KCNH1: variants seen among roughly 807,000 people sequenced by gnomAD.
KCNH1 encodes potassium voltage-gated channel subfamily H member 1, also known as voltage-gated delayed rectifier potassium channel KCNH1.
A neutral mutation model predicts 69.2 loss-of-function variants in KCNH1; 27 were observed. The ratio of observed to expected loss-of-function variants is 0.39; its 90% CI spans 0.29 to 0.54. The LOEUF (loss-of-function observed/expected upper bound fraction) is 0.54. KCNH1 is among the 20% of genes least tolerant of loss of function. KCNH1 has a pLI of 0.68. For synonymous variants in KCNH1, 456 were observed against 487.7 expected (o/e 0.93, Z 0.86); for missense variants, 798 against 1,261.6 (o/e 0.63, Z 5.57).
intron 10 of KCNH1, among the ~76,000 whole-genome samples, chr1:210,717,098 C>A (rs1682275948): frequency 6.6e-6 from 1 of 152,166 alleles, no homozygotes; most frequent in South Asian, 2.1e-4. Context: ...CCCTTCTTTG[C>A]CTCCCAGGAA....
chr1:210,876,698 G>A (rs771851029), intron 7 of KCNH1, among the ~76,000 whole-genome samples: 1 of 152,240 alleles, frequency 6.6e-6, no homozygotes, highest in Middle Eastern at 3.4e-3. Flanking sequence ...TAAACAAGCT[G>A]AAGAGGAAAC....
chr1:210,949,884 A>G (rs1206919096), intron 6 of KCNH1, among the ~76,000 whole-genome samples: 2 of 152,266 alleles, frequency 1.3e-5, no homozygotes, highest in Admixed American at 6.5e-5. Flanking sequence ...CGAAGATGCT[A>G]TGAATCAATC....
At chr1:210,792,687 TA>T (rs74449886) in intron 9 of KCNH1, among the ~76,000 whole-genome samples, 32,339 of 139,018 alleles carry the variant, frequency 0.23, 3,706 homozygotes, top group Non-Finnish European at 0.28. Context: ...CCAAGAAAAT[TA>T]AAAAAAAAAA....
chr1:211,050,565 T>C (rs1250645229), intron 5 of KCNH1, among the ~76,000 whole-genome samples: 1 of 152,138 alleles, frequency 6.6e-6, no homozygotes, highest in Admixed American at 6.6e-5. Context: ...ACAAATACAA[T>C]CCCACGCTGA....
intron 3 of KCNH1, among the ~76,000 whole-genome samples, chr1:211,102,067 A>G (rs1471624677): frequency 6.6e-6 from 1 of 152,134 alleles, no homozygotes; most frequent in Non-Finnish European, 1.5e-5. Context: ...ATGTCTACCT[A>G]AAGTACAGAT....
At chr1:210,963,589 G>C (rs1343350577) in intron 6 of KCNH1, among the ~76,000 whole-genome samples, 1 of 151,988 alleles carries the variant, frequency 6.6e-6, no homozygotes, top group African/African-American at 2.4e-5. Flanking sequence ...GTTTATAGAA[G>C]AACATAAATG....
intron 7 of KCNH1, among the ~76,000 whole-genome samples, chr1:210,876,228 C>T (rs1319831058): frequency 6.6e-6 from 1 of 152,080 alleles, no homozygotes; most frequent in Non-Finnish European, 1.5e-5. Context: ...TATTAAATGT[C>T]TATATTAATT....
chr1:211,059,183 G>A (rs1690373141), intron 5 of KCNH1, among the ~76,000 whole-genome samples: 1 of 152,128 alleles, frequency 6.6e-6, no homozygotes, highest in East Asian at 1.9e-4. Flanking sequence ...AGGAGGCTGA[G>A]GCAGGAGAAT....
rs114984366 is a variant in KCNH1 at position 210,694,699 on chromosome 1, T to G, written c.2113-10561A>C. ...GGACTTCACAGCTTTGTACGTCCAT[T>G]CTTTGACCAAACCTAAATTTTTCAC... On this transcript the variant is annotated intron_variant, in intron 10 of 10. Transcript: ENST00000271751. 2.9e-3 allele frequency among the ~76,000 whole-genome samples: 443 copies of G among 152,330 alleles called. 6 individuals are homozygous for G. The highest frequency in any genetic ancestry group is 1.0e-2 in the African/African-American group (415 of 41,578).
At chr1:211,049,668 T>G (rs1417725607) in intron 5 of KCNH1, among the ~76,000 whole-genome samples, 1 of 152,130 alleles carries the variant, frequency 6.6e-6, no homozygotes, top group Non-Finnish European at 1.5e-5. Flanking sequence ...GAGGAGGGCC[T>G]GGAAGGGGCC....
chr1:211,044,713 C>T (rs371982172), intron 5 of KCNH1, among the ~76,000 whole-genome samples: 2 of 152,014 alleles, frequency 1.3e-5, no homozygotes, highest in African/African-American at 4.8e-5. Context: ...CAATGTGATA[C>T]CACCTTACTC....
intron 7 of KCNH1, among the ~76,000 whole-genome samples, chr1:210,827,295 C>T (rs1685052371): frequency 6.6e-6 from 1 of 152,040 alleles, no homozygotes; most frequent in Non-Finnish European, 1.5e-5. Context: ...GAGATTGCGC[C>T]ATTGCACTCT....
chr1:211,096,079 T>TTTATTTATTTA (rs1553379264), intron 3 of KCNH1, among the ~76,000 whole-genome samples: 21 of 135,844 alleles, frequency 1.5e-4, no homozygotes, highest in Middle Eastern at 3.8e-3. Context: ...TTATTTATTT[T>TTTATTTATTTA]TTGAGATGGA....
rs1691907208 is a variant in KCNH1 at position 211,133,128 on chromosome 1, C to A, written c.79+739G>T. The A allele has an allele frequency of 6.6e-6, 1 of 152,226 alleles. No homozygotes were observed. The highest frequency in any genetic ancestry group is 1.9e-4 in the East Asian group (1 of 5,180). The allele number at this position is 152,226 out of a possible 1,614,324, so 9.4% of individuals were successfully genotyped here. A position where few individuals can be genotyped will look rare whatever the true frequency, so the allele number is the denominator to read the frequency against. Reference sequence around the variant, plus strand: ...ATTGGGAATTTATAGGTGAGCAACACTTAAGGGTGGCATAAAACCGTTGTG... The same window carrying A: ...ATTGGGAATTTATAGGTGAGCAACAATTAAGGGTGGCATAAAACCGTTGTG... On this transcript the variant is annotated intron_variant, in intron 1 of 10. Transcript: ENST00000271751. The surrounding 1 kb of genome is among the most constrained non-coding windows in gnomAD (Gnocchi z 5.4).
intron 5 of KCNH1, among the ~76,000 whole-genome samples, chr1:211,048,238 T>C (rs1437354070): frequency 1.3e-5 from 2 of 152,238 alleles, no homozygotes; most frequent in African/African-American, 4.8e-5. Context: ...CCGGTGTGAA[T>C]GTTAACTAGT....
At chr1:210,861,081 C>A (rs1318502446) in intron 7 of KCNH1, 4 of 904,376 alleles carry the variant, frequency 4.4e-6, no homozygotes, top group Non-Finnish European at 5.5e-6. Flanking sequence ...TTACTATGGG[C>A]TGTAAACAAA....
At chr1:210,798,509 G>C (rs978894308) in intron 8 of KCNH1, among the ~76,000 whole-genome samples, 8 of 152,232 alleles carry the variant, frequency 5.3e-5, no homozygotes, top group African/African-American at 1.9e-4. Flanking sequence ...CACCAAGTAT[G>C]AGAGACTTTT....
intron 5 of KCNH1, among the ~76,000 whole-genome samples, chr1:211,031,263 C>T (rs1050179601): frequency 6.6e-6 from 1 of 151,982 alleles, no homozygotes; most frequent in Non-Finnish European, 1.5e-5. Context: ...AGCTTATCAA[C>T]CAAAAAAAGT....
At chr1:210,998,110 A>C (rs576938483) in intron 6 of KCNH1, among the ~76,000 whole-genome samples, 34 of 152,336 alleles carry the variant, frequency 2.2e-4, no homozygotes, top group African/African-American at 8.2e-4. Flanking sequence ...TCAACTAATG[A>C]GCAAAATAAC....
Sources: allele counts gnomAD v4.1 joint callset (sites outside exome capture counted in the v4.1 genomes callset), GRCh38; gene constraint gnomAD v4.1.1; non-coding constraint Gnocchi (gnomAD v3.1); transcripts MANE v1.5; gene names NCBI Gene and HGNC (gene_info 2026-07-23, HGNC 2026-07-21).